SORD: variants seen among roughly 807,000 people sequenced by gnomAD.
The protein encoded by SORD is (R,R)-butanediol dehydrogenase.
A neutral mutation model predicts 35.6 loss-of-function variants in SORD; 18 were observed. The ratio of observed to expected loss-of-function variants is 0.51; its 90% CI spans 0.35 to 0.75. The LOEUF is 0.75. Ranked by LOEUF, SORD falls within the 30% of genes least tolerant of loss-of-function variation. SORD has a pLI of 0.01. For synonymous variants in SORD, 106 were observed against 152.9 expected (o/e 0.69, Z 2.26); for missense variants, 250 against 390.2 (o/e 0.64, Z 3.03).
At chr15:45,063,152 A>G (rs1893349068) in intron 4 of SORD, among the ~76,000 whole-genome samples, 1 of 147,682 alleles carries the variant, frequency 6.8e-6, no homozygotes. Flanking sequence ...TTCTCCTCCC[A>G]GGGGGCTTTC....
In SORD at chr15:45,073,691, T is replaced by C. The variant is rs1176951099; in HGVS notation, c.*161T>C. The C allele has an allele frequency of 8.5e-7, 1 of 1,175,920 alleles. No homozygotes were observed. The highest frequency in any genetic ancestry group is 2.6e-5 in the East Asian group (1 of 38,104). The allele number at this position is 1,175,920 out of a possible 1,614,324, so 72.8% of individuals were successfully genotyped here. ...CCTTAAGCAGAGGAATTGGTGTGCC[T>C]TAAAGATACAATCTGGGATAGTTTG... On this transcript the variant is annotated 3_prime_UTR_variant, in exon 9 of 9. Transcript: ENST00000267814.
chr15:45,055,622 C>G (rs1396633217), intron 3 of SORD, among the ~76,000 whole-genome samples: 1 of 152,170 alleles, frequency 6.6e-6, no homozygotes, highest in Non-Finnish European at 1.5e-5. Flanking sequence ...AAGAGGGAAT[C>G]CTCCCTAACT....
intron 2 of SORD, 74 bp downstream of exon 2, chr15:45,040,515 C>A: frequency 1.8e-6 from 2 of 1,102,606 alleles, no homozygotes; most frequent in South Asian, 2.6e-5. Context: ...GTATATTGTT[C>A]CCTTACCTCT....
At position 45,023,223 on chromosome 15, in the gene SORD, C is replaced by A. The variant is rs1892616880; in HGVS notation, c.-61C>A. The A allele has an allele frequency of 1.4e-6, 2 of 1,426,550 alleles. No individual in the cohort carries two copies. Among genetic ancestry groups the A allele is most frequent in the Admixed American group, 5.0e-5 (2 of 39,952 alleles). The allele number at this position is 1,426,550 out of a possible 1,614,324, so 88.4% of individuals were successfully genotyped here. ...GCCCTGGACCCTCGGCTGGGTAGCG[C>A]CACCAGAGCGACCAAACGTCCCGCG... On this transcript the variant is annotated 5_prime_UTR_variant, in exon 1 of 9. Transcript: ENST00000267814.
chr15:45,031,145 T>C (rs546139167), intron 1 of SORD, among the ~76,000 whole-genome samples: 1 of 152,316 alleles, frequency 6.6e-6, no homozygotes, highest in South Asian at 2.1e-4. Flanking sequence ...GGGAAAGACC[T>C]TGTCTCTACA....
chr15:45,049,748 G>C (rs185909728), intron 3 of SORD, among the ~76,000 whole-genome samples: 1 of 152,270 alleles, frequency 6.6e-6, no homozygotes, highest in East Asian at 1.9e-4. Context: ...GATCTCTTTT[G>C]TTTCTTCTGA....
chr15:45,049,081 G>A (rs2141273830), intron 3 of SORD, among the ~76,000 whole-genome samples: 1 of 152,290 alleles, frequency 6.6e-6, no homozygotes, highest in South Asian at 2.1e-4. Context: ...TTTCCTGGGA[G>A]CCCACTGATT....
chr15:45,028,292 A>C (rs1004999773), intron 1 of SORD, among the ~76,000 whole-genome samples: 4 of 152,270 alleles, frequency 2.6e-5, no homozygotes, highest in African/African-American at 9.6e-5. Flanking sequence ...ATGCCACTGC[A>C]CTGCAGCGTG....
At chr15:45,062,987 T>C (rs1893346157) in intron 4 of SORD, among the ~76,000 whole-genome samples, 1 of 148,570 alleles carries the variant, frequency 6.7e-6, no homozygotes, top group African/African-American at 2.6e-5. Context: ...GCCATAGTCA[T>C]GGCCTAGTGG....
intron 3 of SORD, among the ~76,000 whole-genome samples, chr15:45,047,542 A>T (rs2141273078): frequency 6.6e-6 from 1 of 152,300 alleles, no homozygotes; most frequent in East Asian, 1.9e-4. Context: ...AGATTTTGTG[A>T]TGTGCCTTTC....
chr15:45,062,241 C>G (rs1479232422), intron 4 of SORD, among the ~76,000 whole-genome samples: 1 of 152,244 alleles, frequency 6.6e-6, no homozygotes, highest in Non-Finnish European at 1.5e-5. Context: ...AGAGCACAAC[C>G]AAGAGTCAAA....
intron 3 of SORD, among the ~76,000 whole-genome samples, chr15:45,052,949 G>T (rs1450403634): frequency 6.6e-6 from 1 of 152,116 alleles, no homozygotes; most frequent in Non-Finnish European, 1.5e-5. Flanking sequence ...CATCTTGGGG[G>T]GTCATCTCAA....
intron 1 of SORD, among the ~76,000 whole-genome samples, chr15:45,031,538 C>T (rs1048019380): frequency 6.6e-6 from 1 of 152,266 alleles, no homozygotes; most frequent in Admixed American, 6.5e-5. Context: ...CGGCCATGGT[C>T]ACTTTCTTTG....
intron 1 of SORD, among the ~76,000 whole-genome samples, chr15:45,028,435 T>C (rs1479996961): frequency 6.6e-6 from 1 of 152,232 alleles, no homozygotes; most frequent in African/African-American, 2.4e-5. Flanking sequence ...GTGCACTTTA[T>C]CTCCCTTCTT....
intron 6 of SORD, 99 bp downstream of exon 6, chr15:45,068,345 G>A: frequency 1.1e-6 from 1 of 872,186 alleles, no homozygotes; most frequent in Admixed American, 1.8e-5. Context: ...GTGTGGAGGG[G>A]GTGAGTGTGT....
intron 3 of SORD, among the ~76,000 whole-genome samples, chr15:45,060,147 G>C (rs182678129): frequency 6.6e-6 from 1 of 152,302 alleles, no homozygotes; most frequent in East Asian, 1.9e-4. Context: ...GAAGTATACT[G>C]ATGTCTGCAG....
intron 3 of SORD, chr15:45,058,499 A>C (rs1327866738): frequency 6.6e-6 from 1 of 151,312 alleles, no homozygotes; most frequent in Non-Finnish European, 1.5e-5. Flanking sequence ...AAAACTATGG[A>C]TAAGAAACTG....
Position 45,061,229 on chromosome 15 carries a change from T to G in SORD, c.425+3T>G. On this transcript the variant is annotated splice_donor_region_variant and intron_variant, in intron 4 of 8. Coordinates refer to ENST00000267814, the MANE Select transcript of SORD (RefSeq NM_003104.6). ...CACAATGCAGCCTTTTGTTACAAGT[T>G]AGTGTCCACAGTCCCACTGGGTCAC... The G allele has an allele frequency of 1.2e-6, 2 of 1,614,088 alleles. No homozygotes were observed. The highest frequency in any genetic ancestry group is 1.7e-6 in the Non-Finnish European group (2 of 1,179,978).
chr15:45,059,377 C>G (rs1893266660), intron 3 of SORD, among the ~76,000 whole-genome samples: 1 of 151,844 alleles, frequency 6.6e-6, no homozygotes, highest in South Asian at 2.1e-4. Flanking sequence ...AAAAAAAACC[C>G]CAAAAAACCA....
Sources: gnomAD v4.1 joint callset for allele counts (sites outside exome capture counted in the v4.1 genomes callset) on GRCh38, gnomAD v4.1.1 for gene constraint, MANE v1.5 for transcripts, NCBI Gene and HGNC (gene_info 2026-07-23, HGNC 2026-07-21) for gene names.